FBXO16: variants seen among roughly 807,000 people sequenced by gnomAD.
The protein encoded by FBXO16 is F-box only protein 16.
Under a neutral mutation model 41.0 loss-of-function variants are expected in FBXO16, and 31 were observed. The observed-to-expected ratio is 0.76, with a 90% CI of 0.57 to 1.02. The LOEUF (loss-of-function observed/expected upper bound fraction) is 1.02. FBXO16 is among the 50% of genes least tolerant of loss of function. FBXO16 has a pLI of 0.00. For missense variants in FBXO16, 361 were observed against 346.2 expected, an observed-to-expected ratio of 1.04 and a Z score of -0.34; for synonymous variants, 133 against 117.8, an observed-to-expected ratio of 1.13 and a Z score of -0.84.
At chr8:28,481,408 C>T (rs1803510604) in intron 2 of FBXO16, among the ~76,000 whole-genome samples, 1 of 152,024 alleles carries the variant, frequency 6.6e-6, no homozygotes, top group Non-Finnish European at 1.5e-5. Flanking sequence ...GGGAGGAGGA[C>T]TCAGAGTACT....
chr8:28,470,659 G>C (rs1464076124), intron 3 of FBXO16, among the ~76,000 whole-genome samples: 2 of 152,128 alleles, frequency 1.3e-5, no homozygotes, highest in African/African-American at 4.8e-5. Context: ...GAGAGAATTT[G>C]GGAATTTCGT....
chr8:28,482,496 C>T (rs749183901), intron 2 of FBXO16, among the ~76,000 whole-genome samples: 2 of 152,138 alleles, frequency 1.3e-5, no homozygotes, highest in African/African-American at 4.8e-5. Context: ...AGCCGTCCAC[C>T]GTGATCCTTT....
intron 1 of FBXO16, among the ~76,000 whole-genome samples, chr8:28,486,524 G>A (rs1803605816): frequency 6.7e-6 from 1 of 149,918 alleles, no homozygotes; most frequent in Admixed American, 6.6e-5. Context: ...GCCGCGCCTG[G>A]GCTACATTTC....
chr8:28,431,355 C>T (rs1802603537), intron 7 of FBXO16, among the ~76,000 whole-genome samples: 1 of 152,140 alleles, frequency 6.6e-6, no homozygotes, highest in Non-Finnish European at 1.5e-5. Flanking sequence ...GCTGACAGAC[C>T]CTCTTCATTT....
intron 7 of FBXO16, among the ~76,000 whole-genome samples, chr8:28,437,756 C>G (rs977315038): frequency 1.3e-5 from 2 of 151,958 alleles, no homozygotes; most frequent in Admixed American, 1.3e-4. Flanking sequence ...ATCTGTAGTC[C>G]TAGCTACTCA....
chr8:28,474,876 T>C (rs1386847211), intron 2 of FBXO16, among the ~76,000 whole-genome samples: 1 of 152,218 alleles, frequency 6.6e-6, no homozygotes, highest in Non-Finnish European at 1.5e-5. Context: ...ACAATGTGAG[T>C]ATCTTTACAT....
At chr8:28,440,170 A>C (rs553459385) in intron 7 of FBXO16, among the ~76,000 whole-genome samples, 6 of 152,110 alleles carry the variant, frequency 3.9e-5, no homozygotes, top group Admixed American at 2.0e-4. Context: ...TGGCACAATC[A>C]TGGCTCACTG....
intron 4 of FBXO16, among the ~76,000 whole-genome samples, chr8:28,460,210 AATATATATGTGTGTGT>A (rs1803104430): frequency 7.7e-6 from 1 of 129,982 alleles, no homozygotes; most frequent in African/African-American, 3.1e-5. Flanking sequence ...TACAGTAACA[AATATATATGTGTGTGT>A]ATATATATAT....
At chr8:28,463,304 TTGTG>T (rs371530816) in intron 4 of FBXO16, among the ~76,000 whole-genome samples, 7 of 150,390 alleles carry the variant, frequency 4.7e-5, no homozygotes, top group Non-Finnish European at 5.9e-5. Flanking sequence ...TTGTGTGTGT[TTGTG>T]TGTGTGTGTA....
chr8:28,468,562 G>A (rs1406494175), intron 3 of FBXO16, among the ~76,000 whole-genome samples: 3 of 152,200 alleles, frequency 2.0e-5, no homozygotes, highest in Admixed American at 2.0e-4. Context: ...GGGCGAGGTG[G>A]CTCACATCTG....
intron 6 of FBXO16, chr8:28,448,851 T>G (rs1802907059): frequency 6.6e-6 from 1 of 152,224 alleles, no homozygotes; most frequent in African/African-American, 2.4e-5. Context: ...TTCTTGCACA[T>G]GGTCTATTAC....
intron 3 of FBXO16, among the ~76,000 whole-genome samples, chr8:28,464,686 C>T (rs375874954): frequency 3.3e-5 from 5 of 152,220 alleles, no homozygotes; most frequent in African/African-American, 1.2e-4. Context: ...CGGAGTCTCA[C>T]TCTGTTGCCT....
intron 6 of FBXO16, 145 bp downstream of exon 6, chr8:28,452,099 T>C: frequency 2.8e-6 from 2 of 708,606 alleles, no homozygotes; most frequent in East Asian, 2.7e-5. Flanking sequence ...TAATGGTCAG[T>C]ATCCTGCTCT....
intron 4 of FBXO16, among the ~76,000 whole-genome samples, chr8:28,459,592 C>A (rs1803090789): frequency 6.7e-6 from 1 of 149,558 alleles, no homozygotes; most frequent in African/African-American, 2.5e-5. Context: ...TGCACTCCAG[C>A]CTGGGCGACA....
intron 5 of FBXO16, among the ~76,000 whole-genome samples, chr8:28,454,031 T>C (rs1259789357): frequency 6.6e-6 from 1 of 151,884 alleles, no homozygotes; most frequent in Non-Finnish European, 1.5e-5. Flanking sequence ...CCAGGTGTGG[T>C]GGCGCATGCC....
intron 4 of FBXO16, among the ~76,000 whole-genome samples, chr8:28,460,245 ATT>A (rs34429050): frequency 1.1e-3 from 98 of 85,426 alleles, no homozygotes; most frequent in Middle Eastern, 0.012. Flanking sequence ...ATATATATAT[ATT>A]TTTTTTTTTT....
Position 28,483,454 on chromosome 8 carries a change from C to A in FBXO16, c.-8G>T. 1 of 1,608,664 alleles carries A rather than the reference C, an allele frequency of 6.2e-7. No individual in the cohort carries two copies. The highest frequency in any genetic ancestry group is 8.5e-7 in the Non-Finnish European group (1 of 1,176,408). On this transcript the variant is annotated 5_prime_UTR_variant, in exon 2 of 9. Coordinates refer to ENST00000380254, the MANE Select transcript of FBXO16 (RefSeq NM_172366.4). ...AGGTGCAAATGCCATCATGAAACAA[C>A]TGGATATCCTTCCATAAGAAAAACA... is the stretch of plus-strand genomic sequence containing the variant.
chr8:28,447,125 T>G, intron 7 of FBXO16, 46 bp downstream of exon 7: 1 of 1,516,884 alleles, frequency 6.6e-7, no homozygotes, highest in Non-Finnish European at 9.0e-7. Flanking sequence ...GATCTGGAGA[T>G]TTTCATTAAT....
intron 7 of FBXO16, among the ~76,000 whole-genome samples, chr8:28,437,575 T>TAAG (rs1802705306): frequency 6.6e-6 from 1 of 151,876 alleles, no homozygotes; most frequent in South Asian, 2.1e-4. Context: ...GAGCATGGAG[T>TAAG]AAGAAACAAA....
Sources: gnomAD v4.1 joint callset for allele counts (sites outside exome capture counted in the v4.1 genomes callset) on GRCh38, gnomAD v4.1.1 for gene constraint, MANE v1.5 for transcripts, NCBI Gene and HGNC (gene_info 2026-07-23, HGNC 2026-07-21) for gene names.